CCDC57: variants seen among roughly 807,000 people sequenced by gnomAD.
CCDC57 encodes coiled-coil domain containing 57.
A neutral mutation model predicts 118.9 loss-of-function variants in CCDC57; 118 were observed. That is an observed-to-expected ratio of 0.99 (90% CI 0.86 to 1.16). CCDC57 has a LOEUF of 1.16. CCDC57 is among the 50% of genes most tolerant of loss of function. The pLI, the probability that CCDC57 is intolerant of heterozygous loss-of-function variation, is 0.00. For synonymous variants in CCDC57, 527 were observed against 532.9 expected, an observed-to-expected ratio of 0.99 and a Z score of 0.15; for missense variants, 1,300 against 1,320.7, an observed-to-expected ratio of 0.98 and a Z score of 0.24.
chr17:82,181,227 G>C (rs1417303905), intron 9 of CCDC57, among the ~76,000 whole-genome samples: 1 of 152,240 alleles, frequency 6.6e-6, no homozygotes, highest in Non-Finnish European at 1.5e-5. Context: ...AACACCGGCT[G>C]GGCCAAGAGC....
In CCDC57 at chr17:82,160,216, G is replaced by C. The variant is rs1599029041; in HGVS notation, c.2041-2268C>G. ...GCCTCACAAGGAATAAAAGCAACAGGATGAGGACAGCATGACTCAGAAGCA... is the reference window on the plus strand; with the variant it reads ...GCCTCACAAGGAATAAAAGCAACAGCATGAGGACAGCATGACTCAGAAGCA... On this transcript the variant is annotated intron_variant, in intron 14 of 19. Coordinates refer to ENST00000665763, the Ensembl canonical transcript of CCDC57. 6 of 152,414 alleles carry C rather than the reference G, an allele frequency of 3.9e-5. No homozygotes were observed. The East Asian group carries it at 1.2e-3, about 29-fold the overall frequency. 9.4% of individuals were successfully genotyped at this position (152,414 alleles called of 1,614,324 possible).
rs1184635580 is a variant in CCDC57, at chr17:82,150,531, G to A, written c.2455+1029C>T. 6.8e-5 allele frequency among the ~76,000 whole-genome samples: 5 copies of A among 73,844 alleles called. No homozygotes were observed. In the South Asian group the frequency reaches 2.6e-3, roughly 38 times the overall value. 48.4% of individuals were successfully genotyped at this position (73,844 alleles called of 152,430 possible). On this transcript the variant is annotated intron_variant, in intron 16 of 19. Transcript: ENST00000665763. ...GAACCAGGCGCACACTCAGAACCTG[G>A]TGCACATCCAGAACCTGACCCACAC...
intron 16 of CCDC57, among the ~76,000 whole-genome samples, chr17:82,136,124 G>C (rs138144715): frequency 6.6e-6 from 1 of 152,080 alleles, no homozygotes; most frequent in Non-Finnish European, 1.5e-5. Flanking sequence ...TTCTAGGGAG[G>C]CATCCAAGAG....
rs576691381 is a variant in CCDC57 at position 82,168,590 on chromosome 17, T to C, written c.1882+3111A>G. ...TCCAGCCTGGGCAACAGAGACTCCG[T>C]CTCAAAAAACAAGAAATTCATTTCA... On this transcript the variant is annotated intron_variant, in intron 13 of 19. Coordinates refer to ENST00000665763, the Ensembl canonical transcript of CCDC57. 1.8e-4 allele frequency among the ~76,000 whole-genome samples: 27 copies of C among 152,086 alleles called. No homozygotes were observed. The East Asian group carries it at 5.0e-3, about 28-fold the overall frequency.
chr17:82,190,064 G>A (rs534519698), intron 7 of CCDC57, among the ~76,000 whole-genome samples: 3 of 152,166 alleles, frequency 2.0e-5, no homozygotes, highest in South Asian at 2.1e-4. Flanking sequence ...TGAGCAGTTT[G>A]TCTCTCCAGT....
At chr17:82,121,551 G>T (rs975991810) in intron 19 of CCDC57, among the ~76,000 whole-genome samples, 1 of 152,204 alleles carries the variant, frequency 6.6e-6, no homozygotes, top group Non-Finnish European at 1.5e-5. Context: ...CTGATTAAAA[G>T]AAAAAGATTC....
At chr17:82,201,993 G>C in intron 2 of CCDC57, 41 bp from the exon 2 acceptor site, 2 of 1,497,388 alleles carry the variant, frequency 1.3e-6, no homozygotes, top group Non-Finnish European at 1.8e-6. Context: ...CACCGTGAGG[G>C]GCCCTAATTT....
chr17:82,137,742 C>T (rs569867302), intron 16 of CCDC57, among the ~76,000 whole-genome samples: 1 of 150,032 alleles, frequency 6.7e-6, no homozygotes, highest in Non-Finnish European at 1.5e-5. Context: ...GGCGCAATCT[C>T]GGCTCACTGC....
chr17:82,207,098 C>T (rs1310821962), intron 2 of CCDC57, among the ~76,000 whole-genome samples: 1 of 152,162 alleles, frequency 6.6e-6, no homozygotes, highest in Non-Finnish European at 1.5e-5. Flanking sequence ...TGTCCCAGCA[C>T]TTTGGGAGGC....
intron 19 of CCDC57, among the ~76,000 whole-genome samples, chr17:82,103,244 T>A (rs1307707627): frequency 1.3e-5 from 2 of 152,234 alleles, no homozygotes; most frequent in Admixed American, 6.5e-5. Flanking sequence ...CGATCCACTC[T>A]TGGGGTCTCA....
chr17:82,140,235 G>A (rs887553573), intron 16 of CCDC57, among the ~76,000 whole-genome samples: 3 of 152,096 alleles, frequency 2.0e-5, no homozygotes, highest in Admixed American at 6.6e-5. Flanking sequence ...ACAGATGCCC[G>A]CCACCACGCC....
intron 17 of CCDC57, among the ~76,000 whole-genome samples, chr17:82,129,901 T>C (rs910138849): frequency 6.6e-6 from 1 of 151,536 alleles, no homozygotes; most frequent in Non-Finnish European, 1.5e-5. Context: ...AAAAAATAAA[T>C]AAATAAAAAA....
intron 15 of CCDC57, chr17:82,152,138 C>T: frequency 3.7e-6 from 1 of 270,872 alleles, no homozygotes; most frequent in South Asian, 4.2e-5. Flanking sequence ...AGCACAGCAG[C>T]TCCCCAGGGA....
intron 11 of CCDC57, among the ~76,000 whole-genome samples, chr17:82,177,859 A>G (rs1341535510): frequency 2.6e-5 from 4 of 152,172 alleles, no homozygotes; most frequent in Admixed American, 1.3e-4. Context: ...TAGCCCACAG[A>G]AAAAAGCCAA....
At chr17:82,182,813 G>A (rs952223560) in intron 9 of CCDC57, among the ~76,000 whole-genome samples, 2 of 151,814 alleles carry the variant, frequency 1.3e-5, no homozygotes, top group Admixed American at 1.3e-4. Context: ...AGCCTCTGGA[G>A]TATCTGGGAC....
intron 16 of CCDC57, among the ~76,000 whole-genome samples, chr17:82,139,012 C>T (rs958117374): frequency 5.3e-5 from 8 of 152,094 alleles, no homozygotes; most frequent in African/African-American, 9.7e-5. Context: ...AGACGGCCAC[C>T]GCCTGCCCCA....
intron 17 of CCDC57, among the ~76,000 whole-genome samples, chr17:82,130,186 G>T (rs530458446): frequency 6.6e-6 from 1 of 152,186 alleles, no homozygotes; most frequent in South Asian, 2.1e-4. Flanking sequence ...GGGGAGCAGA[G>T]ACCCTGTCTC....
At chr17:82,133,489 C>G (rs923222784) in intron 17 of CCDC57, among the ~76,000 whole-genome samples, 1 of 132,488 alleles carries the variant, frequency 7.5e-6, no homozygotes, top group African/African-American at 2.8e-5. Context: ...ACTTATCATA[C>G]CAGATTAAAA....
At chr17:82,187,431 T>G in intron 8 of CCDC57, among the ~76,000 whole-genome samples, 1 of 135,944 alleles carries the variant, frequency 7.4e-6, no homozygotes. Flanking sequence ...AATAAGAGAG[T>G]CCCAAATGGA....
Sources: allele counts gnomAD v4.1 joint callset (sites outside exome capture counted in the v4.1 genomes callset), GRCh38; gene constraint gnomAD v4.1.1; transcripts MANE v1.5; gene names NCBI Gene and HGNC (gene_info 2026-07-23, HGNC 2026-07-21).